The following EYS variants were observed in gnomAD, a reference collection of about 807,000 sequenced individuals.
EYS encodes protein eyes shut homolog.
Under a neutral mutation model 282.1 loss-of-function variants are expected in EYS, and 250 were observed. The observed-to-expected ratio is 0.89, with a 90% CI of 0.80 to 0.98. The LOEUF (loss-of-function observed/expected upper bound fraction) is 0.98, where lower values mean the gene tolerates loss of function less well. EYS is among the 50% of genes least tolerant of loss of function. The pLI, the probability that EYS is intolerant of heterozygous loss-of-function variation, is 0.00. For missense variants in EYS, 4,016 were observed against 3,709.0 expected, an observed-to-expected ratio of 1.08 and a Z score of -2.15; for synonymous variants, 1,355 against 1,282.9, an observed-to-expected ratio of 1.06 and a Z score of -1.20.
intron 12 of EYS, among the ~76,000 whole-genome samples, chr6:65,259,136 T>TCCTTTATA (rs1767548976): frequency 6.6e-6 from 1 of 152,096 alleles, no homozygotes; most frequent in South Asian, 2.1e-4. Context: ...TTGTGTCTCT[T>TCCTTTATA]CCTTTATACA....
At chr6:64,978,936 C>T (rs138679631) in intron 14 of EYS, among the ~76,000 whole-genome samples, 54 of 151,900 alleles carry the variant, frequency 3.6e-4, no homozygotes, top group African/African-American at 9.9e-4. Flanking sequence ...GCAAAGAAAG[C>T]GGTTTCTTGA....
At chr6:64,217,203 C>G (rs1029084824) in intron 31 of EYS, among the ~76,000 whole-genome samples, 3 of 152,220 alleles carry the variant, frequency 2.0e-5, no homozygotes, top group Non-Finnish European at 2.9e-5. Context: ...TCCTCTGACA[C>G]TAGGTATAAG....
intron 19 of EYS, among the ~76,000 whole-genome samples, chr6:64,834,086 C>A (rs1274305306): frequency 6.6e-6 from 1 of 151,796 alleles, no homozygotes; most frequent in African/African-American, 2.4e-5. Flanking sequence ...ATGAGTCAAT[C>A]GAATGCATTC....
At chr6:64,212,810 G>GT (rs1765819731) in intron 31 of EYS, among the ~76,000 whole-genome samples, 1 of 152,000 alleles carries the variant, frequency 6.6e-6, no homozygotes, top group Non-Finnish European at 1.5e-5. Context: ...TCATGCATGC[G>GT]TATGTTCATT....
At chr6:64,889,009 C>G (rs1767188315) in intron 18 of EYS, among the ~76,000 whole-genome samples, 1 of 151,932 alleles carries the variant, frequency 6.6e-6, no homozygotes, top group South Asian at 2.1e-4. Context: ...TCTGACAGTT[C>G]TATTATATTT....
intron 14 of EYS, among the ~76,000 whole-genome samples, chr6:64,983,843 C>A (rs1207390394): frequency 9.3e-5 from 14 of 151,190 alleles, no homozygotes; most frequent in African/African-American, 3.4e-4. Flanking sequence ...AGTCATAAAA[C>A]CATGAGTCTA....
At chr6:64,552,930 C>T (rs1210807733) in intron 26 of EYS, among the ~76,000 whole-genome samples, 1 of 137,100 alleles carries the variant, frequency 7.3e-6, no homozygotes, top group Non-Finnish European at 1.6e-5. Flanking sequence ...CCCGCCCCCT[C>T]CCCCCCAAAA....
At chr6:64,588,119 A>G (rs1766291941) in intron 26 of EYS, among the ~76,000 whole-genome samples, 2 of 152,086 alleles carry the variant, frequency 1.3e-5, no homozygotes, top group East Asian at 3.9e-4. Flanking sequence ...TATCATATTC[A>G]TGCTAAGAAA....
chr6:64,086,544 G>A (rs1357054957), intron 31 of EYS, among the ~76,000 whole-genome samples: 1 of 151,980 alleles, frequency 6.6e-6, no homozygotes, highest in Non-Finnish European at 1.5e-5. Context: ...TTCTCTACTT[G>A]TGTTCATACT....
intron 22 of EYS, among the ~76,000 whole-genome samples, chr6:64,799,778 T>A (rs1198794156): frequency 6.6e-6 from 1 of 151,794 alleles, no homozygotes; most frequent in East Asian, 1.9e-4. Flanking sequence ...AGTTTTAAAA[T>A]TTTTCACATA....
chr6:65,645,509 C>A (rs938817355), intron 1 of EYS, among the ~76,000 whole-genome samples: 2 of 151,946 alleles, frequency 1.3e-5, no homozygotes, highest in Non-Finnish European at 2.9e-5. Context: ...CCTATCTAAC[C>A]CTCTGGGATA....
chr6:65,006,413 AG>A (rs1236688782), intron 13 of EYS, among the ~76,000 whole-genome samples: 1 of 147,486 alleles, frequency 6.8e-6, no homozygotes, highest in Non-Finnish European at 1.5e-5. Flanking sequence ...GTCAGTCGGT[AG>A]GGACAACTGC....
intron 22 of EYS, among the ~76,000 whole-genome samples, chr6:64,691,192 A>G (rs1770369236): frequency 6.6e-6 from 1 of 152,176 alleles, no homozygotes. Context: ...CGCATGTAAC[A>G]TTAGATTTCA....
rs191109116 is a variant in EYS at position 64,597,188 on chromosome 6, T to C, written c.3685-3879A>G. On this transcript the variant is annotated intron_variant, in intron 24 of 42. Coordinates refer to ENST00000503581, the MANE Select transcript of EYS (RefSeq NM_001142800.2). ...AGATATTATCTTACATTAGTTAGAA[T>C]GGCTACCATTAAAAAGACAAAAAAT... 5.7e-4 allele frequency among the ~76,000 whole-genome samples: 87 copies of C among 152,238 alleles called. No homozygotes were observed. In the East Asian group the frequency reaches 0.016, roughly 28 times the overall value.
At chr6:64,022,892 G>C (rs1769258937) in intron 33 of EYS, among the ~76,000 whole-genome samples, 1 of 152,292 alleles carries the variant, frequency 6.6e-6, no homozygotes, top group Admixed American at 6.5e-5. Context: ...AGACCACCCT[G>C]TCTGTGTGTA....
chr6:65,029,534 G>T (rs1369251300), intron 13 of EYS, among the ~76,000 whole-genome samples: 2 of 152,006 alleles, frequency 1.3e-5, no homozygotes, highest in African/African-American at 4.8e-5. Flanking sequence ...TACATGGAGT[G>T]TGCCTGCCTC....
chr6:64,431,208 C>T (rs904708603), intron 28 of EYS, among the ~76,000 whole-genome samples: 2 of 152,090 alleles, frequency 1.3e-5, no homozygotes, highest in Non-Finnish European at 2.9e-5. Flanking sequence ...AGACCTTTCT[C>T]TTTGGCTTGA....
intron 22 of EYS, among the ~76,000 whole-genome samples, chr6:64,686,719 G>A (rs1770119015): frequency 2.1e-5 from 3 of 142,546 alleles, no homozygotes. Flanking sequence ...TCCAGCCTGG[G>A]CGACAGAGCA....
At chr6:65,424,902 C>T (rs1429540392) in intron 5 of EYS, among the ~76,000 whole-genome samples, 3 of 151,804 alleles carry the variant, frequency 2.0e-5, no homozygotes, top group Non-Finnish European at 4.4e-5. Flanking sequence ...ATTTTCTGCC[C>T]AAATGAAATT....
Sources: gnomAD v4.1 joint callset for allele counts (sites outside exome capture counted in the v4.1 genomes callset) on GRCh38, gnomAD v4.1.1 for gene constraint, MANE v1.5 for transcripts, NCBI Gene and HGNC (gene_info 2026-07-23, HGNC 2026-07-21) for gene names.